Variants in EXD3 observed in about 807,000 individuals in gnomAD.
The protein encoded by EXD3 is exonuclease mut-7 homolog.
A neutral mutation model predicts 98.0 loss-of-function variants in EXD3; 92 were observed. That is an observed-to-expected ratio of 0.94 (90% CI 0.79 to 1.12). The LOEUF is 1.12. Ranked by LOEUF, EXD3 falls within the 50% of genes most tolerant of loss-of-function variation. The probability of loss-of-function intolerance (pLI) is 0.00; values close to 1 mark genes in which losing one functional copy is unlikely to be tolerated. For missense variants in EXD3, 1,222 were observed against 1,191.6 expected (o/e 1.03, Z -0.38); for synonymous variants, 569 against 526.0 (o/e 1.08, Z -1.12).
intron 1 of EXD3, among the ~76,000 whole-genome samples, chr9:137,419,397 C>T (rs1001439219): frequency 2.6e-5 from 4 of 152,168 alleles, no homozygotes; most frequent in Non-Finnish European, 2.9e-5. Flanking sequence ...AGGCCGGGCA[C>T]GGTGGCTCAT....
Position 137,390,119 on chromosome 9 carries a change from C to CAAAAA in EXD3, c.55+5179_55+5183dup, listed in dbSNP as rs34716316. 7.7e-4 allele frequency among the ~76,000 whole-genome samples: 18 copies of CAAAAA among 23,376 alleles called. 4 individuals are homozygous for CAAAAA. The highest frequency in any genetic ancestry group is 1.9e-3 in the East Asian group (1 of 522). The allele number at this position is 23,376 out of a possible 152,430, so 15.3% of individuals were successfully genotyped here. Reference sequence around the variant, plus strand: ...CCTGGGTGACAGAGCGAGACTCTGTCAAAAAAAAAAAAAAAAAAAAAAAAA... The same window carrying CAAAAA: ...CCTGGGTGACAGAGCGAGACTCTGTCAAAAAAAAAAAAAAAAAAAAAAAAAAAAAA... On this transcript the variant is annotated intron_variant, in intron 2 of 21. Coordinates refer to ENST00000340951, the MANE Select transcript of EXD3 (RefSeq NM_017820.5).
At chr9:137,311,220 A>G (rs972703446) in intron 19 of EXD3, among the ~76,000 whole-genome samples, 12 of 152,312 alleles carry the variant, frequency 7.9e-5, no homozygotes, top group Admixed American at 7.2e-4. Flanking sequence ...CTCTCCCACC[A>G]GGAAGCTCCT....
chr9:137,353,213 G>C, intron 10 of EXD3: 1 of 982,440 alleles, frequency 1.0e-6, no homozygotes, highest in Non-Finnish European at 1.2e-6. Flanking sequence ...TGGCCTCCAA[G>C]CCTCCACTGA....
intron 19 of EXD3, among the ~76,000 whole-genome samples, chr9:137,317,493 C>T (rs1445903909): frequency 2.0e-5 from 3 of 152,094 alleles, no homozygotes; most frequent in East Asian, 1.9e-4. Context: ...GTCCCCAGGC[C>T]GGTGGGTCCA....
intron 1 of EXD3, among the ~76,000 whole-genome samples, chr9:137,419,681 T>TAAATA (rs1006710433): frequency 6.6e-6 from 1 of 151,238 alleles, no homozygotes; most frequent in East Asian, 2.0e-4. Context: ...AATAAATAAA[T>TAAATA]AAATAAAATA....
intron 1 of EXD3, among the ~76,000 whole-genome samples, chr9:137,402,994 T>C (rs901010250): frequency 1.3e-5 from 2 of 152,082 alleles, no homozygotes; most frequent in African/African-American, 4.8e-5. Flanking sequence ...AGGATTCAAT[T>C]ACTGCCCCCT....
chr9:137,369,370 G>T (rs1835473383), intron 5 of EXD3, among the ~76,000 whole-genome samples: 1 of 152,170 alleles, frequency 6.6e-6, no homozygotes, highest in Admixed American at 6.5e-5. Context: ...AGCTCCGGAA[G>T]GCAGGGGTGC....
At chr9:137,315,916 C>T (rs1831623856) in intron 19 of EXD3, among the ~76,000 whole-genome samples, 2 of 151,704 alleles carry the variant, frequency 1.3e-5, no homozygotes, top group South Asian at 4.2e-4. Context: ...TCCGGGGGCT[C>T]CGGGGCGCCC....
intron 19 of EXD3, among the ~76,000 whole-genome samples, chr9:137,311,675 C>T (rs1588216306): frequency 6.6e-6 from 1 of 152,334 alleles, no homozygotes; most frequent in East Asian, 1.9e-4. Context: ...CCACAAGGCC[C>T]TGGGAGGCCC....
At chr9:137,336,021 A>G (rs1833336991) in intron 17 of EXD3, among the ~76,000 whole-genome samples, 2 of 152,196 alleles carry the variant, frequency 1.3e-5, no homozygotes, top group Admixed American at 1.3e-4. Flanking sequence ...ATTATTCTAA[A>G]TAAAGTAACT....
At chr9:137,322,621 G>GA (rs1250668097) in intron 19 of EXD3, among the ~76,000 whole-genome samples, 1 of 84,886 alleles carries the variant, frequency 1.2e-5, no homozygotes, top group Non-Finnish European at 2.3e-5. Context: ...CCTCACCCCG[G>GA]ACCACGAGGG....
At chr9:137,320,086 C>T (rs913741540) in intron 19 of EXD3, among the ~76,000 whole-genome samples, 15 of 152,204 alleles carry the variant, frequency 9.9e-5, no homozygotes, top group African/African-American at 2.9e-4. Flanking sequence ...CAGGCCGGGG[C>T]GGGCAGGGGG....
Position 137,373,104 on chromosome 9 carries a change from G to A in EXD3, c.295-32C>T, listed in dbSNP as rs373061172. The stretch of plus-strand genomic sequence containing the variant: ...GAGCAGGGACCCAGACTTACTGGAC[G>A]CAGCACCCAGTGGCTGGGCCATGGG... On this transcript the variant is annotated intron_variant, in intron 4 of 21. Coordinates refer to ENST00000340951, the MANE Select transcript of EXD3 (RefSeq NM_017820.5). 65 of 1,524,552 alleles carry A rather than the reference G, an allele frequency of 4.3e-5. No homozygotes were observed. In the African/African-American group the frequency reaches 5.6e-4, roughly 13 times the overall value. 94.4% of individuals were successfully genotyped at this position (1,524,552 alleles called of 1,614,324 possible).
At chr9:137,308,332 C>G (rs1831161932) in intron 20 of EXD3, among the ~76,000 whole-genome samples, 1 of 152,180 alleles carries the variant, frequency 6.6e-6, no homozygotes, top group Admixed American at 6.5e-5. Context: ...ACCACGCCCC[C>G]ACCCCAGCCC....
At chr9:137,328,292 A>G (rs937166493) in intron 17 of EXD3, among the ~76,000 whole-genome samples, 10 of 151,628 alleles carry the variant, frequency 6.6e-5, no homozygotes, top group East Asian at 3.9e-4. Flanking sequence ...GAGTAAAAAC[A>G]ACGAATAAAC....
rs1327968166 is a variant in EXD3 at position 137,407,059 on chromosome 9, C to A, written c.-47-11655G>T. On this transcript the variant is annotated intron_variant, in intron 1 of 21. Coordinates refer to ENST00000340951, the MANE Select transcript of EXD3 (RefSeq NM_017820.5). This position sits in a 1 kb window ranked among gnomAD's most constrained non-coding sequence, Gnocchi z 4.4. ...GCCAGAACGCTCGCCAGCAAACCCG[C>A]CCGTTCACAGAGGCACCGGAGCGGG... Among the ~76,000 whole-genome samples, 2 of 152,194 alleles carry A rather than the reference C, an allele frequency of 1.3e-5. No homozygotes were observed. Among genetic ancestry groups the A allele is most frequent in the East Asian group, 1.9e-4 (1 of 5,186 alleles).
chr9:137,383,783 C>T (rs1167446214), intron 2 of EXD3, among the ~76,000 whole-genome samples: 1 of 152,212 alleles, frequency 6.6e-6, no homozygotes, highest in Non-Finnish European at 1.5e-5. Context: ...ACCACGAGGA[C>T]CCCAAGCCCC....
At chr9:137,330,760 A>T (rs567327845) in intron 17 of EXD3, among the ~76,000 whole-genome samples, 3 of 152,316 alleles carry the variant, frequency 2.0e-5, no homozygotes, top group Non-Finnish European at 4.4e-5. Flanking sequence ...CTTTCAAGAA[A>T]GAGGAAACAG....
At position 137,338,762 on chromosome 9, in the gene EXD3, G is replaced by A. The variant is rs965427486; in HGVS notation, c.1998+9309C>T. ...AAAAAAAAAAGCTGGGAGTGGTGGC[G>A]GGCGCCTGTAGTCCCAGCTACTCGG... On this transcript the variant is annotated intron_variant, in intron 17 of 21. Transcript: ENST00000340951. Among the ~76,000 whole-genome samples the A allele has an allele frequency of 4.0e-5, 6 of 151,094 alleles. No individual in the cohort carries two copies. The East Asian group carries it at 7.7e-4, about 19-fold the overall frequency.
Sources: gnomAD v4.1 joint callset for allele counts (sites outside exome capture counted in the v4.1 genomes callset) on GRCh38, gnomAD v4.1.1 for gene constraint, Gnocchi (gnomAD v3.1) non-coding constraint, MANE v1.5 for transcripts, NCBI Gene and HGNC (gene_info 2026-07-23, HGNC 2026-07-21) for gene names.